The following PSD3 variants were observed in gnomAD, a reference collection of about 807,000 sequenced individuals.
PSD3 encodes the protein PH and SEC7 domain-containing protein 3.
PSD3 carries 49 observed loss-of-function variants against 105.5 expected under a neutral mutation model. The ratio of observed to expected loss-of-function variants is 0.46; its 90% CI spans 0.37 to 0.59. PSD3 has a LOEUF of 0.59. Ranked by LOEUF, PSD3 falls within the 20% of genes least tolerant of loss-of-function variation. The probability of loss-of-function intolerance (pLI) is 0.00; values close to 1 mark genes in which losing one functional copy is unlikely to be tolerated. For synonymous variants in PSD3, 557 were observed against 457.8 expected (o/e 1.22, Z -2.77); for missense variants, 1,561 against 1,263.8 (o/e 1.24, Z -3.57).
At chr8:18,819,050 A>G (rs995779183) in intron 4 of PSD3, among the ~76,000 whole-genome samples, 5 of 124,346 alleles carry the variant, frequency 4.0e-5, no homozygotes, top group Non-Finnish European at 8.6e-5. Flanking sequence ...GACTTAAGAA[A>G]GTGAACTGGA....
At chr8:19,015,909 T>C (rs1247338114), upstream of PSD3, among the ~76,000 whole-genome samples, 1 of 152,240 alleles carries the variant, frequency 6.6e-6, no homozygotes, top group Non-Finnish European at 1.5e-5. Flanking sequence ...TATTTTAAGA[T>C]TGTACTTATA....
chr8:18,600,010 C>G (rs2717746), intron 12 of PSD3, among the ~76,000 whole-genome samples: 2 of 152,008 alleles, frequency 1.3e-5, no homozygotes, highest in Non-Finnish European at 2.9e-5. Context: ...AAATAAGGGT[C>G]ACTTGAACAC....
chr8:18,610,775 G>C (rs757804486), intron 11 of PSD3, among the ~76,000 whole-genome samples: 5 of 152,106 alleles, frequency 3.3e-5, no homozygotes, highest in Non-Finnish European at 7.3e-5. Flanking sequence ...TTCTGGATGT[G>C]GCTCTATTCC....
chr8:18,812,496 T>C (rs1811780322), intron 4 of PSD3, among the ~76,000 whole-genome samples: 1 of 151,746 alleles, frequency 6.6e-6, no homozygotes, highest in Admixed American at 6.6e-5. Flanking sequence ...AGTCAGGGGG[T>C]AATGCATGTG....
At chr8:18,903,661 G>A (rs907705010) in intron 2 of PSD3, among the ~76,000 whole-genome samples, 4 of 152,154 alleles carry the variant, frequency 2.6e-5, no homozygotes, top group Admixed American at 6.5e-5. Flanking sequence ...CTCAGCCAGG[G>A]CACTGATACC....
chr8:18,569,327 T>C (rs905895029), intron 14 of PSD3, among the ~76,000 whole-genome samples: 1 of 137,092 alleles, frequency 7.3e-6, no homozygotes, highest in Non-Finnish European at 1.6e-5. Context: ...CCACCAACAG[T>C]GTAAAAGTGT....
chr8:18,816,489 G>A (rs1402324316), intron 4 of PSD3, among the ~76,000 whole-genome samples: 1 of 152,102 alleles, frequency 6.6e-6, no homozygotes, highest in African/African-American at 2.4e-5. Context: ...GCATAACTTT[G>A]GTGTATATAG....
At chr8:18,972,614 G>C (rs1824719537) in intron 1 of PSD3, among the ~76,000 whole-genome samples, 1 of 152,194 alleles carries the variant, frequency 6.6e-6, no homozygotes, top group African/African-American at 2.4e-5. Flanking sequence ...CTGGAGGTAG[G>C]GTCTTCATAA....
At chr8:18,546,495 T>A (rs1336397521) in intron 15 of PSD3, among the ~76,000 whole-genome samples, 1 of 152,220 alleles carries the variant, frequency 6.6e-6, no homozygotes, top group Non-Finnish European at 1.5e-5. Context: ...GATTGAGCTA[T>A]GCTGCAGGTG....
At position 18,832,290 on chromosome 8, in the gene PSD3, G is replaced by A. The variant is rs924843085; in HGVS notation, c.1635-27392C>T. On this transcript the variant is annotated intron_variant, in intron 4 of 15. Coordinates refer to ENST00000327040, the MANE Select transcript of PSD3 (RefSeq NM_015310.4). ...TATATCTTGCTTCACGTCCAAGGATGCACAGAGGTCATCTATGTATAAAAC... is the reference window on the plus strand; with the variant it reads ...TATATCTTGCTTCACGTCCAAGGATACACAGAGGTCATCTATGTATAAAAC... Among the ~76,000 whole-genome samples the A allele has an allele frequency of 2.6e-5, 4 of 152,202 alleles. No homozygotes were observed. In the East Asian group the frequency reaches 7.7e-4, roughly 29 times the overall value.
At chr8:18,790,098 C>T (rs1809559057) in intron 8 of PSD3, among the ~76,000 whole-genome samples, 1 of 151,740 alleles carries the variant, frequency 6.6e-6, no homozygotes, top group Non-Finnish European at 1.5e-5. Flanking sequence ...GGTGAAGGAA[C>T]AGAGGATGGA....
intron 9 of PSD3, among the ~76,000 whole-genome samples, chr8:18,746,478 G>C (rs140867468): frequency 6.6e-6 from 1 of 152,162 alleles, no homozygotes; most frequent in Non-Finnish European, 1.5e-5. Flanking sequence ...ACACAGGTAA[G>C]CTGGGGCACA....
chr8:18,665,851 A>C (rs1799422506), intron 9 of PSD3, among the ~76,000 whole-genome samples: 2 of 152,178 alleles, frequency 1.3e-5, no homozygotes, highest in Non-Finnish European at 2.9e-5. Context: ...ACCCAGTCTT[A>C]AAAAACAAAC....
intron 1 of PSD3, among the ~76,000 whole-genome samples, chr8:18,944,663 T>G (rs894132357): frequency 6.6e-6 from 1 of 152,162 alleles, no homozygotes; most frequent in Non-Finnish European, 1.5e-5. Flanking sequence ...TAACGAATTA[T>G]TACGCTGTGG....
At position 18,661,458 on chromosome 8, in the gene PSD3, AGTT is replaced by A. The variant is rs1342382230; in HGVS notation, c.2173-5776_2173-5774del. Among the ~76,000 whole-genome samples, 4 of 152,366 alleles carry A rather than the reference AGTT, an allele frequency of 2.6e-5. No individual in the cohort carries two copies. The East Asian group carries it at 7.7e-4, about 29-fold the overall frequency. On this transcript the variant is annotated intron_variant, in intron 9 of 15. Coordinates refer to ENST00000327040, the MANE Select transcript of PSD3 (RefSeq NM_015310.4). Reference sequence around the variant, plus strand: ...CTGGTTAAAAATTAATGATAAAACCAGTTATTAGATAAATATCAAAATGGTTAG... The same window carrying A: ...CTGGTTAAAAATTAATGATAAAACCAATTAGATAAATATCAAAATGGTTAG...
At chr8:18,677,082 G>A (rs1585588593) in intron 9 of PSD3, among the ~76,000 whole-genome samples, 1 of 152,206 alleles carries the variant, frequency 6.6e-6, no homozygotes, top group Admixed American at 6.5e-5. Context: ...AGCATAGTGT[G>A]CTCAACATTT....
intron 4 of PSD3, among the ~76,000 whole-genome samples, chr8:18,844,521 C>T (rs544590708): frequency 6.6e-6 from 1 of 152,198 alleles, no homozygotes; most frequent in Admixed American, 6.5e-5. Context: ...ATTTATAGCT[C>T]TTATTGTTCT....
chr8:18,671,672 G>A (rs541360007), intron 9 of PSD3, among the ~76,000 whole-genome samples: 27 of 149,720 alleles, frequency 1.8e-4, no homozygotes, highest in Non-Finnish European at 2.2e-4. Flanking sequence ...TCGCTTTGTC[G>A]CCCAGGCTGG....
intron 1 of PSD3, among the ~76,000 whole-genome samples, chr8:18,991,724 G>C (rs573870558): frequency 6.6e-6 from 1 of 152,130 alleles, no homozygotes; most frequent in Non-Finnish European, 1.5e-5. Context: ...AAGACATTTT[G>C]TCTGAGCTCT....
Sources: gnomAD v4.1 joint callset for allele counts (sites outside exome capture counted in the v4.1 genomes callset) on GRCh38, gnomAD v4.1.1 for gene constraint, MANE v1.5 for transcripts, NCBI Gene and HGNC (gene_info 2026-07-23, HGNC 2026-07-21) for gene names.